Variants in GDPD4 observed in about 807,000 individuals in gnomAD.
GDPD4 encodes the protein glycerophosphodiester phosphodiesterase 6.
In GDPD4, 60 loss-of-function variants were observed where a neutral mutation model predicts 67.8. The ratio of observed to expected loss-of-function variants is 0.88; its 90% confidence interval spans 0.72 to 1.10. GDPD4 has a LOEUF of 1.10. Ranked by LOEUF, GDPD4 falls within the 50% of genes least tolerant of loss-of-function variation. The probability of loss-of-function intolerance (pLI) is 0.00; values close to 1 mark genes in which losing one functional copy is unlikely to be tolerated. For synonymous variants in GDPD4, 212 were observed against 210.9 expected (o/e 1.00, Z -0.04); for missense variants, 623 against 613.9 (o/e 1.01, Z -0.16).
At chr11:77,221,054 TATTCTCTG>T (rs1024129179) in intron 16 of GDPD4, among the ~76,000 whole-genome samples, 3 of 152,230 alleles carry the variant, frequency 2.0e-5, no homozygotes, top group African/African-American at 7.2e-5. Flanking sequence ...GAGTTTATAG[TATTCTCTG>T]ATGGTAGTTT....
Position 77,245,417 on chromosome 11 carries a change from A to T in GDPD4, c.950T>A (p.Leu317Ter). ...RNQSIPTLAD[L>*]LTLAEKERKF... is the part of the protein sequence containing the mutation. ...TCTTTCCTTCTCTGCAAGTGTCAAT[A>T]AATCAGCTAGTGTTGGAATTGACTG... is the stretch of plus-strand genomic sequence containing the variant. Residue 317 changes from leucine (L) to a stop codon, truncating the protein, a stop_gained, in exon 12 of 17, where the codon TTA becomes TAA. Transcript: ENST00000315938. LOFTEE classifies it high-confidence loss of function. 1 of 1,614,124 alleles carries T rather than the reference A, an allele frequency of 6.2e-7. No individual in the cohort carries two copies. The highest frequency in any genetic ancestry group is 1.3e-5 in the African/African-American group (1 of 75,046).
At chr11:77,281,265 T>G (rs1481922364) in intron 3 of GDPD4, among the ~76,000 whole-genome samples, 11 of 152,152 alleles carry the variant, frequency 7.2e-5, no homozygotes, top group Non-Finnish European at 1.5e-5. Context: ...GCAGCTTTCT[T>G]GCACCTTTCC....
In GDPD4 at chr11:77,285,075, T is replaced by G; in HGVS notation, c.53+10A>C. 1.2e-5 allele frequency: 19 copies of G among 1,600,930 alleles called. No homozygotes were observed. Among genetic ancestry groups the G allele is most frequent in the Non-Finnish European group, 1.6e-5 (19 of 1,168,776 alleles). On this transcript the variant is annotated intron_variant, in intron 3 of 16. Transcript: ENST00000315938. ...CTTACACAAATGAAACTACAAAAAG[T>G]GAAACTCACCAGTCAAAGTTAAAGT...
At chr11:77,230,610 G>A (rs979572578) in intron 14 of GDPD4, among the ~76,000 whole-genome samples, 2 of 152,186 alleles carry the variant, frequency 1.3e-5, no homozygotes, top group African/African-American at 4.8e-5. Context: ...GTTTAAATGA[G>A]AGAACATAGA....
At position 77,217,167 on chromosome 11, in the gene GDPD4, C is replaced by T. The variant is rs1958138395; in HGVS notation, c.*110G>A. On this transcript the variant is annotated 3_prime_UTR_variant, in exon 17 of 17. Coordinates refer to ENST00000315938, the MANE Select transcript of GDPD4 (RefSeq NM_182833.3). The stretch of plus-strand genomic sequence containing the variant: ...GATGGTGCTGCAAAATTGAAATGGC[C>T]TTGGTGTTCCTTTCCACTCTTGGGT... 2.4e-6 allele frequency: 2 copies of T among 833,658 alleles called. No homozygotes were observed. The highest frequency in any genetic ancestry group is 1.7e-5 in the Admixed American group (1 of 57,710). The allele number at this position is 833,658 out of a possible 1,614,324, so 51.6% of individuals were successfully genotyped here. A position where few individuals can be genotyped will look rare whatever the true frequency, so the allele number is the denominator to read the frequency against.
At chr11:77,267,860 G>A (rs1458478110) in intron 10 of GDPD4, among the ~76,000 whole-genome samples, 1 of 151,888 alleles carries the variant, frequency 6.6e-6, no homozygotes, top group African/African-American at 2.4e-5. Flanking sequence ...TGGTAAAATG[G>A]TATTTTTCCT....
chr11:77,227,749 C>A (rs542836693), intron 16 of GDPD4, 115 bp downstream of exon 16: 2 of 728,654 alleles, frequency 2.7e-6, no homozygotes, highest in Non-Finnish European at 5.0e-6. Context: ...CCAACCCCAC[C>A]CCCAACTTTC....
In GDPD4 at chr11:77,269,169, A is replaced by G. The variant is rs1959193986; in HGVS notation, c.479-100T>C. ...AGCAGTCTGAGTAAACCCACAGTCC[A>G]TGGGTTTCATTGACTGTGTACTGGC... On this transcript the variant is annotated intron_variant, in intron 8 of 16. Transcript: ENST00000315938. 3 of 1,013,118 alleles carry G rather than the reference A, an allele frequency of 3.0e-6. No individual in the cohort carries two copies. In the Admixed American group the frequency reaches 7.1e-5, roughly 24 times the overall value. 62.8% of individuals were successfully genotyped at this position (1,013,118 alleles called of 1,614,324 possible).
chr11:77,251,058 T>C (rs1033080062), intron 11 of GDPD4, among the ~76,000 whole-genome samples: 4 of 152,202 alleles, frequency 2.6e-5, no homozygotes, highest in African/African-American at 4.8e-5. Flanking sequence ...AGTGAGTTTT[T>C]TGTAGGCAGC....
chr11:77,264,668 TAGA>T (rs755347292), intron 10 of GDPD4, among the ~76,000 whole-genome samples: 10 of 152,088 alleles, frequency 6.6e-5, no homozygotes, highest in Non-Finnish European at 1.5e-4. Flanking sequence ...AGAAGTGGTG[TAGA>T]AGAAGCCTGA....
At chr11:77,274,384 G>C (rs992723490) in intron 5 of GDPD4, among the ~76,000 whole-genome samples, 2 of 152,176 alleles carry the variant, frequency 1.3e-5, no homozygotes, top group Non-Finnish European at 2.9e-5. Context: ...GGAGGTGTTT[G>C]GATCATGGGG....
intron 4 of GDPD4, among the ~76,000 whole-genome samples, 186 bp downstream of exon 4, chr11:77,279,120 C>T (rs1322739991): frequency 1.3e-5 from 2 of 152,176 alleles, no homozygotes; most frequent in East Asian, 1.9e-4. Flanking sequence ...TTTCCTTCCA[C>T]GTCCTTCCAC....
chr11:77,252,851 G>C lies in GDPD4; in HGVS notation c.864+5535C>G, dbSNP rs113188382. ...GAAATTTGTTGTCGCAACAGCAGAG[G>C]TGTATGTTGTTAATGTCCTTGGTCC... On this transcript the variant is annotated intron_variant, in intron 11 of 16. Transcript: ENST00000315938. Among the ~76,000 whole-genome samples, 519 of 152,302 alleles carry C rather than the reference G, an allele frequency of 3.4e-3. 1 individual carries two copies. Among genetic ancestry groups the C allele is most frequent in the African/African-American group, 0.012 (482 of 41,562 alleles).
intron 5 of GDPD4, among the ~76,000 whole-genome samples, chr11:77,275,318 T>C (rs867144202): frequency 6.6e-6 from 1 of 152,218 alleles, no homozygotes; most frequent in Non-Finnish European, 1.5e-5. Flanking sequence ...ATATGCTGCA[T>C]GCCTGCAGAT....
At chr11:77,285,821 C>T (rs1485364953) in intron 2 of GDPD4, among the ~76,000 whole-genome samples, 2 of 152,110 alleles carry the variant, frequency 1.3e-5, no homozygotes, top group African/African-American at 4.8e-5. Context: ...GTGGCAGGGG[C>T]AGGACTAGAA....
intron 11 of GDPD4, among the ~76,000 whole-genome samples, chr11:77,247,072 A>C (rs1043278019): frequency 2.6e-5 from 4 of 152,124 alleles, no homozygotes; most frequent in African/African-American, 9.7e-5. Context: ...CCTTTGACCT[A>C]AATAAGCTGC....
chr11:77,227,949 G>C (rs1302641662), intron 15 of GDPD4, 33 bp from the exon 16 acceptor site: 1 of 1,470,410 alleles, frequency 6.8e-7, no homozygotes, highest in Non-Finnish European at 9.5e-7. Flanking sequence ...TGAAATGAAG[G>C]GGTCTAAAGA....
At chr11:77,269,494 TA>T (rs1346178632) in intron 8 of GDPD4, among the ~76,000 whole-genome samples, 2 of 152,168 alleles carry the variant, frequency 1.3e-5, no homozygotes, top group Non-Finnish European at 2.9e-5. Flanking sequence ...GAAAGGGCAC[TA>T]ATTGGCAGAA....
chr11:77,245,504 T>C lies in GDPD4; in HGVS notation c.865-2A>G. The stretch of plus-strand genomic sequence containing the variant: ...TTTCATATTGTAAAATGGCCTGAGC[T>C]AGAAACAAATACATCAAAAAATACA... On this transcript the variant is annotated splice_acceptor_variant, in intron 11 of 16. Transcript: ENST00000315938. LOFTEE classifies it high-confidence loss of function. 2 of 1,603,856 alleles carry C rather than the reference T, an allele frequency of 1.2e-6. No individual in the cohort carries two copies. The highest frequency in any genetic ancestry group is 1.7e-6 in the Non-Finnish European group (2 of 1,171,376).
Sources: allele counts gnomAD v4.1 joint callset (sites outside exome capture counted in the v4.1 genomes callset), GRCh38; gene constraint gnomAD v4.1.1; transcripts MANE v1.5; gene names NCBI Gene and HGNC (gene_info 2026-07-23, HGNC 2026-07-21).